The following SOX5 variants were observed in gnomAD, a reference collection of about 807,000 sequenced individuals.
The protein encoded by SOX5 is SRY-box transcription factor 5.
Under a neutral mutation model 92.0 loss-of-function variants are expected in SOX5, and 9 were observed. The ratio of observed to expected loss-of-function variants is 0.10; its 90% CI spans 0.06 to 0.17. The LOEUF is 0.17. Among genes scored for constraint, SOX5 ranks in the 10% least tolerant of loss-of-function variants. The pLI is 1.00. For synonymous variants in SOX5, 344 were observed against 336.3 expected, an observed-to-expected ratio of 1.02 and a Z score of -0.25; for missense variants, 642 against 944.5, an observed-to-expected ratio of 0.68 and a Z score of 4.20.
chr12:23,620,347 A>G (rs1484060248), intron 8 of SOX5, among the ~76,000 whole-genome samples: 1 of 152,106 alleles, frequency 6.6e-6, no homozygotes, highest in Non-Finnish European at 1.5e-5. Context: ...GTCTAGACAT[A>G]ATATGGAGAA....
chr12:23,751,055 G>T (rs1361542826), intron 4 of SOX5, among the ~76,000 whole-genome samples: 1 of 151,824 alleles, frequency 6.6e-6, no homozygotes, highest in Non-Finnish European at 1.5e-5. Flanking sequence ...TACAAAAAGT[G>T]AAAACATTAC....
intron 9 of SOX5, among the ~76,000 whole-genome samples, chr12:23,593,646 A>G (rs1951892848): frequency 6.6e-6 from 1 of 152,204 alleles, no homozygotes; most frequent in Admixed American, 6.5e-5. Context: ...TAAATTGAAT[A>G]TTAAGTGCTT....
At chr12:23,747,657 C>T (rs1025098810) in intron 4 of SOX5, among the ~76,000 whole-genome samples, 7 of 152,104 alleles carry the variant, frequency 4.6e-5, no homozygotes, top group East Asian at 1.9e-4. Context: ...TCAACCTCAG[C>T]GCAGTTGACA....
intron 3 of SOX5, among the ~76,000 whole-genome samples, chr12:24,232,246 C>T (rs563953941): frequency 1.3e-5 from 2 of 152,172 alleles, no homozygotes; most frequent in African/African-American, 4.8e-5. Flanking sequence ...TCTATTCACA[C>T]AATATTCTCT....
intron 3 of SOX5, among the ~76,000 whole-genome samples, chr12:23,816,304 G>A (rs1383321912): frequency 6.6e-6 from 1 of 151,674 alleles, no homozygotes; most frequent in Non-Finnish European, 1.5e-5. Flanking sequence ...CCACCTCCAG[G>A]GTTCAAGCGA....
At chr12:24,551,283 G>A (rs1953131693) in intron 1 of SOX5, among the ~76,000 whole-genome samples, 1 of 152,204 alleles carries the variant, frequency 6.6e-6, no homozygotes, top group South Asian at 2.1e-4. Context: ...TGCTGGGCAC[G>A]CTGGTGGATT....
At chr12:23,686,990 A>G (rs1380660202) in intron 6 of SOX5, among the ~76,000 whole-genome samples, 2 of 152,042 alleles carry the variant, frequency 1.3e-5, no homozygotes, top group African/African-American at 4.8e-5. Flanking sequence ...CAAGTTATAC[A>G]TGGATTATTG....
At chr12:24,044,352 G>A (rs2137032920) in intron 4 of SOX5, among the ~76,000 whole-genome samples, 1 of 152,270 alleles carries the variant, frequency 6.6e-6, no homozygotes, top group East Asian at 1.9e-4. Context: ...ATAGAACTAT[G>A]CACAGGGTAT....
intron 2 of SOX5, among the ~76,000 whole-genome samples, chr12:24,343,452 A>T (rs924723412): frequency 2.0e-5 from 3 of 150,240 alleles, no homozygotes; most frequent in Middle Eastern, 3.5e-3. Context: ...TATATATATA[A>T]TAGGTATATA....
intron 1 of SOX5, among the ~76,000 whole-genome samples, chr12:23,915,571 A>C (rs1049465211): frequency 6.6e-6 from 1 of 151,730 alleles, no homozygotes; most frequent in Admixed American, 6.6e-5. Flanking sequence ...TAAGTTTAAA[A>C]CAAATCACTT....
intron 4 of SOX5, among the ~76,000 whole-genome samples, chr12:24,146,773 C>G (rs1321698885): frequency 6.7e-6 from 1 of 149,064 alleles, no homozygotes; most frequent in African/African-American, 2.5e-5. Flanking sequence ...TACAAATTAC[C>G]AATATTAGGA....
At chr12:24,405,164 A>T (rs1391297555) in intron 1 of SOX5, among the ~76,000 whole-genome samples, 1 of 152,156 alleles carries the variant, frequency 6.6e-6, no homozygotes, top group Non-Finnish European at 1.5e-5. Flanking sequence ...TTACTATGGA[A>T]GCTCTAGCAA....
At chr12:23,555,545 C>T (rs543994112) in intron 11 of SOX5, among the ~76,000 whole-genome samples, 3 of 151,580 alleles carry the variant, frequency 2.0e-5, no homozygotes, top group Admixed American at 6.6e-5. Context: ...CCCCACCAAG[C>T]GTGGGCACTT....
At chr12:24,192,056 G>A (rs866670166) in intron 4 of SOX5, among the ~76,000 whole-genome samples, 5 of 152,296 alleles carry the variant, frequency 3.3e-5, no homozygotes, top group Middle Eastern at 3.4e-3. Flanking sequence ...TACTTTACAA[G>A]GTATAGTATT....
chr12:24,235,531 C>T (rs1206019940), intron 3 of SOX5, among the ~76,000 whole-genome samples: 2 of 152,078 alleles, frequency 1.3e-5, no homozygotes, highest in Admixed American at 1.3e-4. Flanking sequence ...CTAATAACAT[C>T]TTGAAAAAGG....
chr12:24,429,984 G>A (rs889358455), intron 1 of SOX5, among the ~76,000 whole-genome samples: 1 of 152,112 alleles, frequency 6.6e-6, no homozygotes, highest in Non-Finnish European at 1.5e-5. Flanking sequence ...GTAGAATTAA[G>A]TTATTCCAAA....
chr12:24,241,626 G>T (rs925002754), intron 3 of SOX5, among the ~76,000 whole-genome samples: 1 of 152,104 alleles, frequency 6.6e-6, no homozygotes, highest in African/African-American at 2.4e-5. Flanking sequence ...GGTGACTAAA[G>T]CTACCTCTGG....
intron 1 of SOX5, among the ~76,000 whole-genome samples, chr12:24,542,347 A>G (rs1952211788): frequency 6.6e-6 from 1 of 152,212 alleles, no homozygotes; most frequent in African/African-American, 2.4e-5. Context: ...TTCCTCATGA[A>G]AGCCTTCTGG....
intron 7 of SOX5, among the ~76,000 whole-genome samples, chr12:23,649,556 T>G (rs2081293819): frequency 6.6e-6 from 1 of 152,100 alleles, no homozygotes; most frequent in African/African-American, 2.4e-5. Flanking sequence ...TTTCCAACAT[T>G]AATTTGCTTC....
Sources: allele counts gnomAD v4.1 joint callset (sites outside exome capture counted in the v4.1 genomes callset), GRCh38; gene constraint gnomAD v4.1.1; transcripts MANE v1.5; gene names NCBI Gene and HGNC (gene_info 2026-07-23, HGNC 2026-07-21).